Variants in VWA8 observed in about 807,000 individuals in gnomAD.
VWA8 encodes the protein von Willebrand factor A domain containing 8.
VWA8 carries 221 observed loss-of-function variants against 241.5 expected under a neutral mutation model. That is an observed-to-expected ratio of 0.91 (90% confidence interval 0.82 to 1.02). VWA8 has a LOEUF of 1.02. Ranked by LOEUF, VWA8 falls within the 50% of genes least tolerant of loss-of-function variation. VWA8 has a pLI of 0.00. For synonymous variants in VWA8, 852 were observed against 827.1 expected, an observed-to-expected ratio of 1.03 and a Z score of -0.52; for missense variants, 2,322 against 2,328.7, an observed-to-expected ratio of 1.00 and a Z score of 0.06.
intron 4 of VWA8, among the ~76,000 whole-genome samples, chr13:41,893,324 A>T (rs1593850470): frequency 6.6e-6 from 1 of 152,192 alleles, no homozygotes; most frequent in Non-Finnish European, 1.5e-5. Context: ...AAAATGATAA[A>T]CTTTATGAAA....
chr13:41,756,451 C>T (rs1465533561), intron 21 of VWA8, among the ~76,000 whole-genome samples: 1 of 151,698 alleles, frequency 6.6e-6, no homozygotes, highest in African/African-American at 2.4e-5. Flanking sequence ...GGAGAAACTG[C>T]CCTCATGATA....
At chr13:41,920,030 G>A (rs561888786) in intron 2 of VWA8, among the ~76,000 whole-genome samples, 16 of 152,310 alleles carry the variant, frequency 1.1e-4, no homozygotes, top group Admixed American at 3.9e-4. Context: ...TCCCGAGGCA[G>A]TAGACTGAGG....
chr13:41,731,552 A>G (rs1050677579), intron 22 of VWA8, among the ~76,000 whole-genome samples: 15 of 152,150 alleles, frequency 9.9e-5, no homozygotes, highest in African/African-American at 3.6e-4. Context: ...TATCCTCCCA[A>G]TAATTTGCAT....
At chr13:41,830,687 G>T in intron 13 of VWA8, 45 bp from the exon 14 acceptor site, 1 of 1,533,922 alleles carries the variant, frequency 6.5e-7, no homozygotes, top group Non-Finnish European at 9.0e-7. Context: ...AATGTGTTTT[G>T]AACACTGAAG....
intron 29 of VWA8, 86 bp downstream of exon 29, chr13:41,698,985 G>T: frequency 6.4e-7 from 1 of 1,565,380 alleles, no homozygotes; most frequent in Non-Finnish European, 8.8e-7. Flanking sequence ...CATCATGAAA[G>T]CACATCTTTT....
chr13:41,685,354 T>C (rs2045129071), intron 34 of VWA8, 112 bp from the exon 35 acceptor site: 1 of 1,034,784 alleles, frequency 9.7e-7, no homozygotes, highest in Non-Finnish European at 1.4e-6. Context: ...GTTTCACAGG[T>C]ATAAGAAAAT....
intron 2 of VWA8, among the ~76,000 whole-genome samples, chr13:41,930,733 T>C (rs575169536): frequency 6.6e-6 from 1 of 152,284 alleles, no homozygotes; most frequent in East Asian, 1.9e-4. Flanking sequence ...CAACTGGACT[T>C]CATGTTTAGA....
At chr13:41,872,764 G>A (rs1405113361) in intron 9 of VWA8, among the ~76,000 whole-genome samples, 1 of 151,982 alleles carries the variant, frequency 6.6e-6, no homozygotes, top group Non-Finnish European at 1.5e-5. Context: ...TTGTTCTTTT[G>A]GCTTAGGATT....
At chr13:41,743,056 G>C (rs2045580185) in intron 21 of VWA8, among the ~76,000 whole-genome samples, 1 of 152,196 alleles carries the variant, frequency 6.6e-6, no homozygotes, top group African/African-American at 2.4e-5. Flanking sequence ...CACAGAACAA[G>C]TTGGGGAGTA....
At chr13:41,799,176 A>G (rs943501623) in intron 17 of VWA8, among the ~76,000 whole-genome samples, 16 of 152,076 alleles carry the variant, frequency 1.1e-4, no homozygotes, top group African/African-American at 3.6e-4. Context: ...CAAATCTCTT[A>G]TGGTTTTTTC....
Position 41,580,978 on chromosome 13 carries a change from CTATTT to C in VWA8, c.5272-5145_5272-5141del, listed in dbSNP as rs562896724. ...CTTCTGTCAAGGGAGAGTGAGTCAT[CTATTT>C]TATTTTATTTTATTTTATTTTATTT... On this transcript the variant is annotated intron_variant, in intron 42 of 44. Coordinates refer to ENST00000379310, the MANE Select transcript of VWA8 (RefSeq NM_015058.2). Among the ~76,000 whole-genome samples the C allele has an allele frequency of 4.5e-4, 58 of 129,632 alleles. 14 individuals are homozygous for C. The highest frequency in any genetic ancestry group is 1.2e-3 in the South Asian group (5 of 4,096). 85.0% of individuals were successfully genotyped at this position (129,632 alleles called of 152,430 possible).
intron 29 of VWA8, 141 bp from the exon 30 acceptor site, chr13:41,693,113 A>C (rs1760595961): frequency 1.8e-6 from 1 of 549,486 alleles, no homozygotes; most frequent in Non-Finnish European, 3.1e-6. Flanking sequence ...CTTAAGAAAT[A>C]TCACAAAGAC....
intron 20 of VWA8, among the ~76,000 whole-genome samples, chr13:41,774,589 T>C (rs1868503133): frequency 6.6e-6 from 1 of 152,160 alleles, no homozygotes; most frequent in South Asian, 2.1e-4. Flanking sequence ...GGTAAATACA[T>C]AAATCTAACT....
intron 42 of VWA8, among the ~76,000 whole-genome samples, chr13:41,586,151 C>T (rs568172294): frequency 2.0e-5 from 3 of 149,306 alleles, no homozygotes; most frequent in Admixed American, 6.6e-5. Flanking sequence ...TTTCTATAAA[C>T]CCATAAAGCA....
chr13:41,770,489 C>T (rs1029252810), intron 20 of VWA8, among the ~76,000 whole-genome samples: 9 of 149,028 alleles, frequency 6.0e-5, no homozygotes, highest in Non-Finnish European at 1.0e-4. Flanking sequence ...AGAACTAGAA[C>T]TATAAAAGGA....
At position 41,738,481 on chromosome 13, in the gene VWA8, C is replaced by T. The variant is rs182585428; in HGVS notation, c.2427-6326G>A. 2.2e-3 allele frequency among the ~76,000 whole-genome samples: 331 copies of T among 152,238 alleles called. 1 individual carries two copies. Among genetic ancestry groups the T allele is most frequent in the Middle Eastern group, 3.4e-3 (1 of 294 alleles). Reference sequence around the variant, plus strand: ...TTACAAAATCTACTTACCTCTACCACGTCTCCTACTACTATGTTAATACTA... The same window carrying T: ...TTACAAAATCTACTTACCTCTACCATGTCTCCTACTACTATGTTAATACTA... On this transcript the variant is annotated intron_variant, in intron 21 of 44. Transcript: ENST00000379310.
intron 3 of VWA8, 77 bp from the exon 4 acceptor site, chr13:41,907,773 A>G: frequency 1.6e-6 from 2 of 1,259,688 alleles, no homozygotes; most frequent in Non-Finnish European, 2.3e-6. Flanking sequence ...GTTATCTGAC[A>G]ATGCCATTGC....
intron 2 of VWA8, among the ~76,000 whole-genome samples, chr13:41,923,291 G>A (rs866022408): frequency 6.6e-6 from 1 of 152,078 alleles, no homozygotes; most frequent in Non-Finnish European, 1.5e-5. Flanking sequence ...GCCGTGGGGT[G>A]GGGGGAGCGG....
intron 9 of VWA8, among the ~76,000 whole-genome samples, chr13:41,869,135 C>T (rs1873463539): frequency 6.6e-6 from 1 of 152,064 alleles, no homozygotes; most frequent in Non-Finnish European, 1.5e-5. Flanking sequence ...TCAAAATATG[C>T]TGAAATAGGC....
Sources: gnomAD v4.1 joint callset for allele counts (sites outside exome capture counted in the v4.1 genomes callset) on GRCh38, gnomAD v4.1.1 for gene constraint, MANE v1.5 for transcripts, NCBI Gene and HGNC (gene_info 2026-07-23, HGNC 2026-07-21) for gene names.